DNHD1: variants seen among roughly 807,000 people sequenced by gnomAD.
DNHD1 encodes dynein heavy chain domain-containing protein 1.
In DNHD1, 383 loss-of-function variants were observed where a neutral mutation model predicts 458.1. The observed-to-expected ratio is 0.84, with a 90% CI of 0.77 to 0.91. The LOEUF (loss-of-function observed/expected upper bound fraction) is 0.91. Among genes scored for constraint, DNHD1 ranks in the 40% least tolerant of loss-of-function variants. The pLI, the probability that DNHD1 is intolerant of heterozygous loss-of-function variation, is 0.00. For synonymous variants in DNHD1, 2,203 were observed against 2,376.9 expected (o/e 0.93, Z 2.13); for missense variants, 5,336 against 5,866.1 (o/e 0.91, Z 2.95).
At chr11:6,525,020 G>C (rs1337889875) in intron 10 of DNHD1, among the ~76,000 whole-genome samples, 1 of 152,174 alleles carries the variant, frequency 6.6e-6, no homozygotes, top group Non-Finnish European at 1.5e-5. Context: ...GATTCTGTAA[G>C]AGAGTTATGT....
chr11:6,541,590 G>A (rs1419019079), intron 18 of DNHD1, among the ~76,000 whole-genome samples: 1 of 152,198 alleles, frequency 6.6e-6, no homozygotes, highest in African/African-American at 2.4e-5. Flanking sequence ...AAGAATAGTG[G>A]AGGAGGGGAT....
chr11:6,524,654 C>T (rs1346260066), intron 10 of DNHD1, among the ~76,000 whole-genome samples: 1 of 152,148 alleles, frequency 6.6e-6, no homozygotes, highest in Non-Finnish European at 1.5e-5. Flanking sequence ...AAATAACTGG[C>T]TTTTAGCTAT....
Position 6,548,849 on chromosome 11 carries a change from C to T in DNHD1, c.7303C>T (p.Gln2435Ter). ...GAGCAGAGGAATCCAGGGCCAAACA[C>T]AAGCCAGCCCACAGCCTGGGCATCA... ...LLSRGIQGQT[Q>*]ASPQPGHHQD... Residue 2435 changes from glutamine (Q) to a stop codon, truncating the protein, a stop_gained, in exon 24 of 43, where the codon CAA becomes TAA. Transcript: ENST00000254579. LOFTEE classifies it high-confidence loss of function. The surrounding 1 kb of genome is among the most constrained non-coding windows in gnomAD (Gnocchi z 4.4). 6.4e-7 allele frequency: 1 copy of T among 1,551,718 alleles called. No homozygotes were observed. Among genetic ancestry groups the T allele is most frequent in the Admixed American group, 2.0e-5 (1 of 51,014 alleles).
Position 6,571,045 on chromosome 11 carries a change from G to C in DNHD1, c.13533G>C (p.Lys4511Asn), listed in dbSNP as rs1413580569. ...TTGATTGCCTGTTGCAGCAGCTGAA[G>C]GGCGCACCCCCGTGCCCCTCCCGCC... is the stretch of plus-strand genomic sequence containing the variant. ...RDLDCLLQQL[K>N]GAPPCPSRRC... Residue 4511 changes from lysine to asparagine, a missense_variant, in exon 42 of 43, where the codon AAG becomes AAC. Around this residue, in one of 4 missense-constraint regions of DNHD1, gnomAD observed 698 missense variants for 664.9 expected, o/e 1.05. Transcript: ENST00000254579. This position sits in a 1 kb window ranked among gnomAD's most constrained non-coding sequence, Gnocchi z 5.0. The C allele has an allele frequency of 6.3e-6, 10 of 1,580,518 alleles. No individual in the cohort carries two copies. Among genetic ancestry groups the C allele is most frequent in the African/African-American group, 1.3e-5 (1 of 74,406 alleles).
Position 6,519,991 on chromosome 11 carries a change from A to C in DNHD1, c.1674A>C (p.Ser558=), listed in dbSNP as rs755116584. 1 of 1,614,130 alleles carries C rather than the reference A, an allele frequency of 6.2e-7. No individual in the cohort carries two copies. The highest frequency in any genetic ancestry group is 1.7e-5 in the Admixed American group (1 of 60,016). ...CCCCAAGGCAGAAACCCTTTCTCTC[A>C]TCACAGCTGGTCTTTGATGATCATG... The part of the protein sequence containing the change: ...LQAPRQKPFL[S]SQLVFDDHGQ... Residue 558 remains serine (S), a synonymous_variant, in exon 9 of 43, where the codon TCA becomes TCC. Transcript: ENST00000254579.
At chr11:6,500,090 GA>G (rs1241834574) in intron 3 of DNHD1, among the ~76,000 whole-genome samples, 1 of 151,784 alleles carries the variant, frequency 6.6e-6, no homozygotes, top group East Asian at 1.9e-4. Flanking sequence ...TCAGCCTCCC[GA>G]GTAGCTGGGA....
rs1388449586 is a variant in DNHD1 at position 6,556,716 on chromosome 11, C to T, written c.7421C>T (p.Thr2474Ile). The change falls in exon 25 of 43, where the codon ACT (threonine) becomes ATT (isoleucine). Residue 2474 changes from threonine (T) to isoleucine (I), a missense_variant. Transcript: ENST00000254579. ...PEKSCQPVLE[T>I]LRQAMDGTVY... is the part of the protein sequence containing the mutation. ...AAGAGCTGCCAGCCAGTGTTGGAGA[C>T]TCTGCGCCAGGCCATGGATGGCACT... 1.5e-5 allele frequency: 24 copies of T among 1,549,800 alleles called. No homozygotes were observed. Among genetic ancestry groups the T allele is most frequent in the Non-Finnish European group, 2.1e-5 (24 of 1,145,554 alleles).
At chr11:6,547,791 A>C (rs2134432791) in intron 21 of DNHD1, 72 bp from the exon 22 acceptor site, 3 of 1,533,684 alleles carry the variant, frequency 2.0e-6, no homozygotes, top group East Asian at 4.9e-5. Context: ...AATACTGTCA[A>C]CCTTTTTTCT....
chr11:6,534,068 C>A lies in DNHD1; in HGVS notation c.2893C>A (p.Gln965Lys), dbSNP rs1420642988. The A allele has an allele frequency of 3.0e-5, 47 of 1,551,480 alleles. No homozygotes were observed. The highest frequency in any genetic ancestry group is 4.1e-5 in the African/African-American group (3 of 73,012). The stretch of plus-strand genomic sequence containing the variant: ...CTCCGGTCCCTTTATGGACCCCACA[C>A]AAGATCAGAGGAGTACTGAGCACCA... ...ALSGPFMDPT[Q>K]DQRSTEHQLV... Residue 965 changes from glutamine to lysine, a missense_variant, in exon 14 of 43, where the codon CAA becomes AAA. Gln to Lys is a moderately conservative substitution (Grantham distance 53). Around this residue, in one of 4 missense-constraint regions of DNHD1, gnomAD observed 3,932 missense variants for 4,365.6 expected, o/e 0.90. Coordinates refer to ENST00000254579, the MANE Select transcript of DNHD1 (RefSeq NM_144666.3).
chr11:6,566,056 C>A, intron 33 of DNHD1, 65 bp downstream of exon 33: 2 of 1,509,158 alleles, frequency 1.3e-6, no homozygotes, highest in South Asian at 1.3e-5. Context: ...ACCCCACAGG[C>A]CTCCCACACC....
In DNHD1 at chr11:6,563,701, G is replaced by C; in HGVS notation, c.9861G>C (p.Val3287=). 6.5e-7 allele frequency: 1 copy of C among 1,545,014 alleles called. No homozygotes were observed. The highest frequency in any genetic ancestry group is 8.7e-7 in the Non-Finnish European group (1 of 1,143,658). ...LCTEDFYQEL[V]FFPKEKITDS... ...AACATACATCCTTCCAGGAGCTGGT[G>C]TTCTTCCCCAAGGAGAAGATAACAG... is the stretch of plus-strand genomic sequence containing the variant. The change falls in exon 31 of 43, where the codon GTG becomes GTC. Residue 3287 remains valine, a synonymous_variant. Coordinates refer to ENST00000254579, the MANE Select transcript of DNHD1 (RefSeq NM_144666.3).
At position 6,540,045 on chromosome 11, in the gene DNHD1, A is replaced by C. The variant is rs1189514641; in HGVS notation, c.3590A>C (p.Glu1197Ala). 7 of 1,551,720 alleles carry C rather than the reference A, an allele frequency of 4.5e-6. No individual in the cohort carries two copies. In the East Asian group the frequency reaches 1.7e-4, roughly 38 times the overall value. ...KRQVLRSPQW[E>A]VVDKDSGTFI... ...CAGGTGCTCCGCAGCCCCCAATGGG[A>C]GGTAGTGGACAAAGATAGTGGCACC... The change falls in exon 18 of 43, where the codon GAG (glutamate) becomes GCG (alanine). Residue 1197 changes from glutamate to alanine, a missense_variant. Transcript: ENST00000254579.
chr11:6,508,670 T>C lies in DNHD1; in HGVS notation c.921-210T>C, dbSNP rs1301552284. The stretch of plus-strand genomic sequence containing the variant: ...GGAGCTGGCTAGGTGCCTTTTTCTT[T>C]CTTCCCATCTACCTTTGGCTTCGGT... On this transcript the variant is annotated intron_variant, in intron 4 of 42. Transcript: ENST00000254579. 2.0e-5 allele frequency: 11 copies of C among 550,780 alleles called. No individual in the cohort carries two copies. The Admixed American group carries it at 4.0e-4, about 20-fold the overall frequency. 34.1% of individuals were successfully genotyped at this position (550,780 alleles called of 1,614,324 possible). A position where few individuals can be genotyped will look rare whatever the true frequency, so the allele number is the denominator to read the frequency against.
In DNHD1 at chr11:6,571,223, G is replaced by C; in HGVS notation, c.13711G>C (p.Asp4571His). Residue 4571 changes from aspartate to histidine, a missense_variant, in exon 42 of 43, where the codon GAC becomes CAC. Physicochemically the swap from Asp to His is moderately conservative, Grantham distance 81. This residue lies in a region of DNHD1 where 698 missense variants were observed against 664.9 expected (regional missense o/e 1.05). Coordinates refer to ENST00000254579, the MANE Select transcript of DNHD1 (RefSeq NM_144666.3). The surrounding 1 kb of genome is among the most constrained non-coding windows in gnomAD (Gnocchi z 5.0). The part of the protein sequence containing the change: ...LLVRYLGVGA[D>H]ASSDVPERVF... ...GGTTCGTTACTTGGGCGTGGGCGCGGACGCGAGCAGTGATGTACCAGAGCG... is the reference window on the plus strand; with the variant it reads ...GGTTCGTTACTTGGGCGTGGGCGCGCACGCGAGCAGTGATGTACCAGAGCG... The C allele has an allele frequency of 1.2e-6, 2 of 1,611,298 alleles. No individual in the cohort carries two copies. Among genetic ancestry groups the C allele is most frequent in the Non-Finnish European group, 1.7e-6 (2 of 1,178,970 alleles).
At position 6,548,983 on chromosome 11, in the gene DNHD1, C is replaced by T; in HGVS notation, c.7387+50C>T. 1 of 1,518,336 alleles carries T rather than the reference C, an allele frequency of 6.6e-7. No individual in the cohort carries two copies. 94.1% of individuals were successfully genotyped at this position (1,518,336 alleles called of 1,614,324 possible). On this transcript the variant is annotated intron_variant, in intron 24 of 42. Transcript: ENST00000254579. The surrounding 1 kb of genome is among the most constrained non-coding windows in gnomAD (Gnocchi z 4.4). ...AAGGAGCTACTGTCATCTCTTGAGA[C>T]TATAAAATCCCTAGCAATATTCATT... is the stretch of plus-strand genomic sequence containing the variant.
intron 18 of DNHD1, among the ~76,000 whole-genome samples, chr11:6,543,383 T>C (rs1853138792): frequency 6.6e-6 from 1 of 152,232 alleles, no homozygotes; most frequent in Non-Finnish European, 1.5e-5. Context: ...AAGTTTGTTC[T>C]CAGCTTCTCT....
intron 7 of DNHD1, among the ~76,000 whole-genome samples, chr11:6,513,939 G>A (rs1589868970): frequency 6.6e-6 from 1 of 152,072 alleles, no homozygotes; most frequent in Non-Finnish European, 1.5e-5. Flanking sequence ...TGCCTCCCGG[G>A]TTCACACCAT....
Position 6,547,037 on chromosome 11 carries a change from CCA to C in DNHD1, c.6099_6100del (p.Ser2034TrpfsTer32). 1 of 1,551,704 alleles carries C rather than the reference CCA, an allele frequency of 6.4e-7. No homozygotes were observed. Among genetic ancestry groups the C allele is most frequent in the Middle Eastern group, 1.7e-4 (1 of 5,992 alleles). ...CCTGTGGAAATTACCCACCTGTACC[CCA>C]GTGGCCTCAGCCCCCAGGAGTTCCT... On this transcript the variant is annotated frameshift_variant, in exon 21 of 43. Coordinates refer to ENST00000254579, the MANE Select transcript of DNHD1 (RefSeq NM_144666.3). LOFTEE classifies it high-confidence loss of function.
intron 10 of DNHD1, 68 bp downstream of exon 10, chr11:6,520,357 A>C (rs370487564): frequency 3.1e-5 from 48 of 1,550,642 alleles, no homozygotes; most frequent in Middle Eastern, 3.4e-4. Flanking sequence ...TACTAATGGC[A>C]TGGGAAGAAG....
Sources: gnomAD v4.1 joint callset for allele counts (sites outside exome capture counted in the v4.1 genomes callset) on GRCh38, gnomAD v4.1.1 for gene constraint, gnomAD v4.1.1 regional missense constraint, Gnocchi (gnomAD v3.1) non-coding constraint, MANE v1.5 for transcripts, NCBI Gene and HGNC (gene_info 2026-07-23, HGNC 2026-07-21) for gene names.